CAMTA1: variants seen among roughly 807,000 people sequenced by gnomAD.
The protein encoded by CAMTA1 is calmodulin binding transcription activator 1, also known as calmodulin-binding transcription activator 1.
Under a neutral mutation model 170.9 loss-of-function variants are expected in CAMTA1, and 27 were observed. That is an observed-to-expected ratio of 0.16 (90% CI 0.12 to 0.22). The LOEUF is 0.22. Ranked by LOEUF, CAMTA1 falls within the 10% of genes least tolerant of loss-of-function variation. The pLI, the probability that CAMTA1 is intolerant of heterozygous loss-of-function variation, is 1.00. For missense variants in CAMTA1, 1,619 were observed against 2,217.2 expected (o/e 0.73, Z 5.42); for synonymous variants, 833 against 891.5 (o/e 0.93, Z 1.17).
Position 7,293,140 on chromosome 1 carries a change from C to T in CAMTA1, c.438+43514C>T, listed in dbSNP as rs997398640. ...TTCCTGCCCCCTTTCTACTGCTTTC[C>T]AGTGGACAGGGACGGGGTGGGGCTG... On this transcript the variant is annotated intron_variant, in intron 5 of 22. Coordinates refer to ENST00000303635, the MANE Select transcript of CAMTA1 (RefSeq NM_015215.4). This position sits in a 1 kb window ranked among gnomAD's most constrained non-coding sequence, Gnocchi z 4.1. Among the ~76,000 whole-genome samples, 1 of 152,266 alleles carries T rather than the reference C, an allele frequency of 6.6e-6. No individual in the cohort carries two copies. The highest frequency in any genetic ancestry group is 2.4e-5 in the African/African-American group (1 of 41,562).
intron 6 of CAMTA1, among the ~76,000 whole-genome samples, chr1:7,593,959 T>A (rs941085114): frequency 1.3e-5 from 2 of 151,270 alleles, no homozygotes; most frequent in African/African-American, 4.9e-5. Context: ...GGAGAATTGC[T>A]TGAACCTGGG....
intron 5 of CAMTA1, among the ~76,000 whole-genome samples, chr1:7,338,298 C>T (rs982312200): frequency 1.2e-4 from 19 of 152,128 alleles, no homozygotes; most frequent in Admixed American, 2.6e-4. Context: ...GACAATGCCA[C>T]CTATAGAGTC....
At chr1:7,103,460 C>T (rs1643013203) in intron 4 of CAMTA1, among the ~76,000 whole-genome samples, 1 of 141,402 alleles carries the variant, frequency 7.1e-6, no homozygotes, top group Non-Finnish European at 1.5e-5. Flanking sequence ...CACAACTACA[C>T]ACATGTACAC....
At chr1:7,388,147 T>G (rs1178686244) in intron 5 of CAMTA1, 1 of 152,230 alleles carries the variant, frequency 6.6e-6, no homozygotes, top group Non-Finnish European at 1.5e-5. Context: ...ATGGGGATAG[T>G]AGTCCCTTTC....
intron 3 of CAMTA1, among the ~76,000 whole-genome samples, chr1:6,898,230 C>T (rs1292825250): frequency 6.6e-6 from 1 of 152,078 alleles, no homozygotes; most frequent in Non-Finnish European, 1.5e-5. Flanking sequence ...CCATCTGTTG[C>T]CCATTCCTCA....
intron 3 of CAMTA1, among the ~76,000 whole-genome samples, chr1:6,986,673 C>T (rs963512646): frequency 8.6e-5 from 13 of 151,972 alleles, no homozygotes; most frequent in Non-Finnish European, 5.9e-5. Context: ...CCCATTAACC[C>T]GGGGAGGCTT....
At chr1:7,099,171 C>T (rs1000935478) in intron 4 of CAMTA1, among the ~76,000 whole-genome samples, 4 of 152,138 alleles carry the variant, frequency 2.6e-5, no homozygotes, top group Admixed American at 2.0e-4. Context: ...GCCTCTCAGC[C>T]TCCTGAGTAG....
At chr1:7,114,775 C>CT (rs1487961816) in intron 4 of CAMTA1, among the ~76,000 whole-genome samples, 4 of 122,808 alleles carry the variant, frequency 3.3e-5, no homozygotes, top group African/African-American at 1.3e-4. Flanking sequence ...CCCAGGAGAG[C>CT]TGATGGTGGT....
At chr1:7,620,780 C>T (rs2095592602) in intron 6 of CAMTA1, among the ~76,000 whole-genome samples, 1 of 152,136 alleles carries the variant, frequency 6.6e-6, no homozygotes, top group African/African-American at 2.4e-5. Flanking sequence ...TCCCCTGAGG[C>T]AAATTTTGGC....
intron 6 of CAMTA1, among the ~76,000 whole-genome samples, chr1:7,636,428 G>T (rs1218209692): frequency 1.3e-5 from 2 of 152,140 alleles, no homozygotes; most frequent in African/African-American, 2.4e-5. Context: ...GTTTAGAAAG[G>T]CTTCCCGGCC....
intron 22 of CAMTA1, among the ~76,000 whole-genome samples, chr1:7,762,173 C>T (rs1232794174): frequency 1.3e-5 from 2 of 152,048 alleles, no homozygotes; most frequent in Admixed American, 6.6e-5. Context: ...AGCTAACAAG[C>T]AGGAATAATT....
intron 3 of CAMTA1, among the ~76,000 whole-genome samples, chr1:6,958,418 C>T (rs1267669651): frequency 6.6e-6 from 1 of 152,162 alleles, no homozygotes; most frequent in Non-Finnish European, 1.5e-5. Context: ...TTCATCCCAG[C>T]CTGGCGGAGA....
chr1:7,337,274 A>G (rs1323813396), intron 5 of CAMTA1, among the ~76,000 whole-genome samples: 1 of 152,072 alleles, frequency 6.6e-6, no homozygotes, highest in East Asian at 1.9e-4. Context: ...CTTTGAGGGG[A>G]GGTAAGCACC....
intron 3 of CAMTA1, among the ~76,000 whole-genome samples, chr1:7,060,020 C>T (rs1172653390): frequency 1.3e-5 from 2 of 152,166 alleles, no homozygotes; most frequent in African/African-American, 4.8e-5. Context: ...CTAGACCAGG[C>T]CCCAGATCCC....
intron 3 of CAMTA1, among the ~76,000 whole-genome samples, chr1:6,937,911 C>T (rs1685737913): frequency 6.6e-6 from 1 of 152,234 alleles, no homozygotes; most frequent in African/African-American, 2.4e-5. Flanking sequence ...ACACTACCAC[C>T]ACTACCACCT....
rs552794713 is a variant in CAMTA1, at chr1:7,031,889, A to G, written c.235-59415A>G. Among the ~76,000 whole-genome samples the G allele has an allele frequency of 5.1e-4, 78 of 152,100 alleles. 1 individual carries two copies. Among genetic ancestry groups the G allele is most frequent in the African/African-American group, 1.8e-3 (75 of 41,510 alleles). Reference sequence around the variant, plus strand: ...AGTTAGACCACTTATATTTAATGCAATTATCAATATGGTTAAGTTTCTATT... The same window carrying G: ...AGTTAGACCACTTATATTTAATGCAGTTATCAATATGGTTAAGTTTCTATT... On this transcript the variant is annotated intron_variant, in intron 3 of 22. Coordinates refer to ENST00000303635, the MANE Select transcript of CAMTA1 (RefSeq NM_015215.4).
At chr1:7,739,709 G>A (rs1487522083) in intron 16 of CAMTA1, among the ~76,000 whole-genome samples, 4 of 152,150 alleles carry the variant, frequency 2.6e-5, no homozygotes, top group African/African-American at 4.8e-5. Flanking sequence ...TCACTACCAC[G>A]AGAACAGTAT....
At chr1:7,760,232 C>T (rs1213828463) in intron 22 of CAMTA1, among the ~76,000 whole-genome samples, 1 of 152,210 alleles carries the variant, frequency 6.6e-6, no homozygotes, top group Non-Finnish European at 1.5e-5. Flanking sequence ...GGTTTCCAAA[C>T]ACTTTGCCAG....
At chr1:6,821,271 A>G (rs1646457275) in intron 2 of CAMTA1, among the ~76,000 whole-genome samples, 1 of 152,260 alleles carries the variant, frequency 6.6e-6, no homozygotes, top group South Asian at 2.1e-4. Flanking sequence ...ATGCAAAATC[A>G]GATCAGTGTT....
Sources: gnomAD v4.1 joint callset for allele counts (sites outside exome capture counted in the v4.1 genomes callset) on GRCh38, gnomAD v4.1.1 for gene constraint, Gnocchi (gnomAD v3.1) non-coding constraint, MANE v1.5 for transcripts, NCBI Gene and HGNC (gene_info 2026-07-23, HGNC 2026-07-21) for gene names.